Variants in MARK3 observed in about 807,000 individuals in gnomAD.
MARK3 encodes MAP/microtubule affinity-regulating kinase 3.
MARK3 carries 46 observed loss-of-function variants against 90.1 expected under a neutral mutation model. The ratio of observed to expected loss-of-function variants is 0.51; its 90% confidence interval spans 0.40 to 0.65. The LOEUF (loss-of-function observed/expected upper bound fraction) is 0.65, where lower values mean the gene tolerates loss of function less well. Among genes scored for constraint, MARK3 ranks in the 30% least tolerant of loss-of-function variants. The probability of loss-of-function intolerance (pLI) is 0.00; values close to 1 mark genes in which losing one functional copy is unlikely to be tolerated. For synonymous variants in MARK3, 321 were observed against 332.6 expected (o/e 0.97, Z 0.38); for missense variants, 818 against 947.2 (o/e 0.86, Z 1.79).
intron 17 of MARK3, among the ~76,000 whole-genome samples, chr14:103,501,468 T>C (rs2075660927): frequency 1.3e-5 from 2 of 152,240 alleles, no homozygotes; most frequent in Non-Finnish European, 2.9e-5. Flanking sequence ...CCACTCAGTC[T>C]GTGTACTTTA....
At chr14:103,480,007 G>A (rs1053625499) in intron 13 of MARK3, among the ~76,000 whole-genome samples, 1 of 152,110 alleles carries the variant, frequency 6.6e-6, no homozygotes, top group Non-Finnish European at 1.5e-5. Flanking sequence ...GTCAGGCCGG[G>A]CACCTCAGGA....
At chr14:103,468,748 C>T (rs926128949) in intron 12 of MARK3, among the ~76,000 whole-genome samples, 11 of 151,194 alleles carry the variant, frequency 7.3e-5, no homozygotes, top group Admixed American at 1.3e-4. Context: ...GAAACCTTAC[C>T]ATTTGCCCTT....
rs567114338 is a variant in MARK3, at chr14:103,389,256, C to T, written c.51+3176C>T. Among the ~76,000 whole-genome samples the T allele has an allele frequency of 2.6e-4, 39 of 150,774 alleles. No individual in the cohort carries two copies. In the South Asian group the frequency reaches 6.7e-3, roughly 26 times the overall value. On this transcript the variant is annotated intron_variant, in intron 1 of 17. Transcript: ENST00000429436. ...GCAGGCACCTGTAGTCCTAGCTACTCGGGAGGCTGAGGCAGGAGAATGGCA... is the reference window on the plus strand; with the variant it reads ...GCAGGCACCTGTAGTCCTAGCTACTTGGGAGGCTGAGGCAGGAGAATGGCA...
chr14:103,413,577 C>T (rs1020778565), intron 2 of MARK3, among the ~76,000 whole-genome samples: 6 of 151,142 alleles, frequency 4.0e-5, no homozygotes, highest in Non-Finnish European at 5.9e-5. Context: ...CACACAGTAC[C>T]GCACCTGGCT....
rs200915002 is a variant in MARK3, at chr14:103,431,583, C to CA, written c.297+3152dup. Among the ~76,000 whole-genome samples the CA allele has an allele frequency of 1.7e-3, 252 of 149,800 alleles. 2 individuals are homozygous for CA. The highest frequency in any genetic ancestry group is 8.5e-3 in the Admixed American group (127 of 15,006). On this transcript the variant is annotated intron_variant, in intron 3 of 17. Transcript: ENST00000429436. ...GAGGCGACAGAACAAGACTTTGTCT[C>CA]AAAAAAAAACAAGAAATTTGTAACA... is the stretch of plus-strand genomic sequence containing the variant.
intron 3 of MARK3, among the ~76,000 whole-genome samples, chr14:103,446,517 G>A (rs370031346): frequency 6.6e-6 from 1 of 151,884 alleles, no homozygotes; most frequent in Non-Finnish European, 1.5e-5. Flanking sequence ...GTAAGACTCC[G>A]TCTCAAAAAT....
At chr14:103,475,287 T>A in intron 13 of MARK3, 77 bp downstream of exon 13, 1 of 1,217,686 alleles carries the variant, frequency 8.2e-7, no homozygotes, top group Non-Finnish European at 1.2e-6. Flanking sequence ...TTCATTTTAC[T>A]CCTGTGGTCT....
chr14:103,491,685 C>G, intron 14 of MARK3, 92 bp from the exon 15 acceptor site: 1 of 1,402,238 alleles, frequency 7.1e-7, no homozygotes, highest in South Asian at 1.4e-5. Flanking sequence ...ATTTTTTATA[C>G]CCGATTTTCT....
intron 5 of MARK3, among the ~76,000 whole-genome samples, chr14:103,455,151 CAATTATATTGACAG>C (rs908245427): frequency 2.0e-5 from 3 of 152,108 alleles, no homozygotes; most frequent in African/African-American, 7.2e-5. Flanking sequence ...AAAAATCTGT[CAATTATATTGACAG>C]ACTTGGATTT....
At chr14:103,403,399 A>G (rs1232421499) in intron 1 of MARK3, among the ~76,000 whole-genome samples, 1 of 151,604 alleles carries the variant, frequency 6.6e-6, no homozygotes, top group Non-Finnish European at 1.5e-5. Flanking sequence ...CAATGAATGA[A>G]TGAAGAAATT....
chr14:103,419,308 T>A (rs867798055), intron 2 of MARK3, among the ~76,000 whole-genome samples: 1 of 151,936 alleles, frequency 6.6e-6, no homozygotes, highest in East Asian at 1.9e-4. Flanking sequence ...AATAAATAAA[T>A]AGAAAATTGA....
chr14:103,394,564 C>T (rs1222681758), intron 1 of MARK3, among the ~76,000 whole-genome samples: 2 of 152,164 alleles, frequency 1.3e-5, no homozygotes, highest in Non-Finnish European at 2.9e-5. Context: ...GACATTGTTT[C>T]TGTGGGTTAT....
chr14:103,416,631 G>A (rs1476200412), intron 2 of MARK3, among the ~76,000 whole-genome samples: 2 of 152,164 alleles, frequency 1.3e-5, no homozygotes, highest in African/African-American at 4.8e-5. Context: ...AATTATCTGG[G>A]CATGGTGGCG....
At chr14:103,403,133 A>C (rs909920526) in intron 1 of MARK3, among the ~76,000 whole-genome samples, 6 of 151,360 alleles carry the variant, frequency 4.0e-5, no homozygotes, top group African/African-American at 1.5e-4. Flanking sequence ...TGAAGGTTGA[A>C]TTTATGAAAC....
intron 3 of MARK3, among the ~76,000 whole-genome samples, chr14:103,430,900 C>G (rs1008069469): frequency 9.2e-5 from 14 of 152,162 alleles, no homozygotes; most frequent in Non-Finnish European, 1.5e-4. Flanking sequence ...GGGTCTTGCT[C>G]TGTTGTCCAG....
At chr14:103,475,561 G>A (rs536802613) in intron 13 of MARK3, among the ~76,000 whole-genome samples, 2 of 152,320 alleles carry the variant, frequency 1.3e-5, no homozygotes, top group African/African-American at 4.8e-5. Flanking sequence ...ATGATGCCTT[G>A]GTGCTGGCAT....
At chr14:103,499,996 A>G (rs902909171) in intron 16 of MARK3, 160 bp from the exon 17 acceptor site, 1 of 662,194 alleles carries the variant, frequency 1.5e-6, no homozygotes, top group Non-Finnish European at 2.8e-6. Context: ...GGCTCAGTCA[A>G]ATGAGAGGAA....
At chr14:103,424,334 A>T (rs1469610859) in intron 2 of MARK3, among the ~76,000 whole-genome samples, 1 of 151,216 alleles carries the variant, frequency 6.6e-6, no homozygotes, top group Non-Finnish European at 1.5e-5. Flanking sequence ...GGAGTTTGAG[A>T]CCAGCCTGGG....
intron 2 of MARK3, among the ~76,000 whole-genome samples, chr14:103,418,398 A>G (rs559884825): frequency 6.6e-6 from 1 of 151,988 alleles, no homozygotes; most frequent in South Asian, 2.1e-4. Context: ...ATCTGATCAC[A>G]AGCTGTGTTT....
Sources: gnomAD v4.1 joint callset for allele counts (sites outside exome capture counted in the v4.1 genomes callset) on GRCh38, gnomAD v4.1.1 for gene constraint, MANE v1.5 for transcripts, NCBI Gene and HGNC (gene_info 2026-07-23, HGNC 2026-07-21) for gene names.